Variants in KLF12 observed in about 807,000 individuals in gnomAD.
The protein encoded by KLF12 is Krueppel-like factor 12.
Under a neutral mutation model 37.8 loss-of-function variants are expected in KLF12, and 9 were observed. The observed-to-expected ratio is 0.24, with a 90% CI of 0.14 to 0.42. The LOEUF is 0.42. Ranked by LOEUF, KLF12 falls within the 10% of genes least tolerant of loss-of-function variation. The pLI is 1.00. For synonymous variants in KLF12, 208 were observed against 202.1 expected, an observed-to-expected ratio of 1.03 and a Z score of -0.25; for missense variants, 411 against 516.0, an observed-to-expected ratio of 0.80 and a Z score of 1.97.
At chr13:73,737,892 T>C (rs1877572815) in intron 6 of KLF12, among the ~76,000 whole-genome samples, 1 of 151,802 alleles carries the variant, frequency 6.6e-6, no homozygotes, top group African/African-American at 2.4e-5. Flanking sequence ...CAATTGCACT[T>C]TGGCACTAAT....
chr13:74,128,572 G>T (rs1006101212), intron 1 of KLF12, among the ~76,000 whole-genome samples: 1 of 152,188 alleles, frequency 6.6e-6, no homozygotes, highest in African/African-American at 2.4e-5. Context: ...GCAAGCAAGA[G>T]AGTAAGAATC....
chr13:73,810,677 C>T (rs1312966722), intron 5 of KLF12, among the ~76,000 whole-genome samples: 1 of 136,464 alleles, frequency 7.3e-6, no homozygotes, highest in African/African-American at 2.6e-5. Context: ...ATTAAATACA[C>T]ATTAGAATGA....
At chr13:73,844,621 C>T (rs1884920666) in intron 4 of KLF12, 1 of 152,136 alleles carries the variant, frequency 6.6e-6, no homozygotes, top group Admixed American at 6.5e-5. Flanking sequence ...AAAACAATAC[C>T]TTGCTAATGG....
At chr13:74,056,850 T>C (rs1873272372) in intron 1 of KLF12, among the ~76,000 whole-genome samples, 1 of 152,134 alleles carries the variant, frequency 6.6e-6, no homozygotes, top group South Asian at 2.1e-4. Flanking sequence ...TTCATCTCAG[T>C]GGAAAAATAA....
At chr13:73,902,502 C>T (rs1236787932) in intron 3 of KLF12, among the ~76,000 whole-genome samples, 1 of 152,148 alleles carries the variant, frequency 6.6e-6, no homozygotes, top group South Asian at 2.1e-4. Flanking sequence ...AGTTCACAGA[C>T]GTGCTTACTG....
intron 6 of KLF12, among the ~76,000 whole-genome samples, chr13:73,738,471 C>T (rs532514081): frequency 3.9e-5 from 6 of 152,054 alleles, no homozygotes; most frequent in Admixed American, 3.3e-4. Context: ...TTTTTAAGTT[C>T]TTATTCTACT....
At chr13:73,947,828 T>C (rs563671681) in intron 2 of KLF12, among the ~76,000 whole-genome samples, 140 of 152,114 alleles carry the variant, frequency 9.2e-4, no homozygotes, top group African/African-American at 3.3e-3. Context: ...AAACATACAA[T>C]GGGGTGACTT....
the KLF12 span, among the ~76,000 whole-genome samples, chr13:74,228,150 T>G: frequency 6.6e-6 from 1 of 152,170 alleles, no homozygotes; most frequent in Non-Finnish European, 1.5e-5. Flanking sequence ...ACCTGTCTAC[T>G]TGGATGAGCT....
intron 1 of KLF12, among the ~76,000 whole-genome samples, chr13:74,056,207 G>C (rs1873233308): frequency 6.6e-6 from 1 of 152,146 alleles, no homozygotes; most frequent in Admixed American, 6.5e-5. Flanking sequence ...AAGCAGGCAA[G>C]AATGGAGCCC....
intron 7 of KLF12, among the ~76,000 whole-genome samples, chr13:73,702,887 A>G (rs1040830143): frequency 1.3e-5 from 2 of 152,200 alleles, no homozygotes; most frequent in Non-Finnish European, 2.9e-5. Context: ...TACCTTCAAG[A>G]TGAGGAAACT....
chr13:73,791,288 A>AT (rs1306885726), intron 5 of KLF12, among the ~76,000 whole-genome samples: 1 of 152,312 alleles, frequency 6.6e-6, no homozygotes, highest in Middle Eastern at 3.4e-3. Flanking sequence ...TTATTGCTAC[A>AT]TTATTATCTA....
intron 1 of KLF12, among the ~76,000 whole-genome samples, chr13:74,029,855 T>C (rs900288576): frequency 6.6e-6 from 1 of 152,032 alleles, no homozygotes; most frequent in Non-Finnish European, 1.5e-5. Flanking sequence ...CTCTGACCTA[T>C]AGTTAAGTGC....
At chr13:74,134,325 A>T (rs1316686483), upstream of KLF12, among the ~76,000 whole-genome samples, 3 of 151,218 alleles carry the variant, frequency 2.0e-5, no homozygotes, top group Non-Finnish European at 4.4e-5. Context: ...CTCGCTCAGC[A>T]GGCGCTAAGT....
chr13:74,174,967 A>C, the KLF12 span, among the ~76,000 whole-genome samples: 1 of 152,244 alleles, frequency 6.6e-6, no homozygotes, highest in Admixed American at 6.5e-5. Context: ...AATCACTTGC[A>C]GAACTGGCTG....
At chr13:73,822,700 T>C (rs1319636761) in intron 4 of KLF12, among the ~76,000 whole-genome samples, 1 of 152,190 alleles carries the variant, frequency 6.6e-6, no homozygotes, top group African/African-American at 2.4e-5. Flanking sequence ...TGAATAGAGA[T>C]TTACAATTGT....
chr13:73,983,072 A>G (rs1291236995), intron 2 of KLF12, among the ~76,000 whole-genome samples: 1 of 152,082 alleles, frequency 6.6e-6, no homozygotes, highest in Non-Finnish European at 1.5e-5. Context: ...AAAGATCTCT[A>G]TAAGGCAGCT....
rs531155768 is a variant in KLF12, at chr13:74,119,403, C to A, written c.-32+14336G>T. On this transcript the variant is annotated intron_variant, in intron 1 of 7. Transcript: ENST00000377669. ...CACTGTCAACAGATAAACCTGTCAA[C>A]ACAAGCAGACCCTGAGATAGCAGAG... 4.3e-4 allele frequency among the ~76,000 whole-genome samples: 65 copies of A among 149,944 alleles called. 1 individual carries two copies. In the Middle Eastern group the frequency reaches 0.014, roughly 32 times the overall value.
At chr13:73,936,554 T>C (rs1382245093) in intron 3 of KLF12, among the ~76,000 whole-genome samples, 1 of 152,076 alleles carries the variant, frequency 6.6e-6, no homozygotes, top group Non-Finnish European at 1.5e-5. Context: ...TCTCCAGAGC[T>C]CTCTCTTTGT....
At chr13:73,962,750 A>T (rs1445709816) in intron 2 of KLF12, among the ~76,000 whole-genome samples, 1 of 152,236 alleles carries the variant, frequency 6.6e-6, no homozygotes, top group Non-Finnish European at 1.5e-5. Flanking sequence ...TCTCCAAAAA[A>T]AGCAGTTAAA....
Sources: allele counts gnomAD v4.1 joint callset (sites outside exome capture counted in the v4.1 genomes callset), GRCh38; gene constraint gnomAD v4.1.1; transcripts MANE v1.5; gene names NCBI Gene and HGNC (gene_info 2026-07-23, HGNC 2026-07-21).